DLGAP2: variants seen among roughly 807,000 people sequenced by gnomAD.
DLGAP2 encodes DLG associated protein 2.
DLGAP2 carries 26 observed loss-of-function variants against 100.3 expected under a neutral mutation model. That is an observed-to-expected ratio of 0.26 (90% CI 0.19 to 0.36). The LOEUF (loss-of-function observed/expected upper bound fraction) is 0.36. DLGAP2 is among the 10% of genes least tolerant of loss of function. The pLI is 1.00. For synonymous variants in DLGAP2, 886 were observed against 630.1 expected, an observed-to-expected ratio of 1.41 and a Z score of -6.08; for missense variants, 1,858 against 1,453.2, an observed-to-expected ratio of 1.28 and a Z score of -4.53.
intron 2 of DLGAP2, among the ~76,000 whole-genome samples, chr8:1,097,645 G>C (rs1452417420): frequency 1.0e-3 from 122 of 117,828 alleles, no homozygotes; most frequent in Middle Eastern, 0.013. Context: ...CAGGAGAGTC[G>C]AGCTGGGAGC....
At chr8:1,413,159 G>T (rs79981314) in intron 3 of DLGAP2, among the ~76,000 whole-genome samples, 24,530 of 152,108 alleles carry the variant, frequency 0.16, 2,499 homozygotes, top group East Asian at 0.28. Context: ...CTGGACAGTG[G>T]CTCCTTCCAA....
At chr8:800,404 T>C (rs77734482) in intron 1 of DLGAP2, among the ~76,000 whole-genome samples, 6,168 of 152,312 alleles carry the variant, frequency 0.04, 178 homozygotes, top group Non-Finnish European at 0.065. Flanking sequence ...ACAATGAGTT[T>C]AGACGGTTGT....
intron 3 of DLGAP2, among the ~76,000 whole-genome samples, chr8:1,286,754 C>G (rs561394679): frequency 6.6e-6 from 1 of 152,282 alleles, no homozygotes; most frequent in East Asian, 1.9e-4. Context: ...CAAAGTGCAC[C>G]CTCTGTGCTG....
chr8:1,347,528 C>T (rs1031548101), intron 3 of DLGAP2, among the ~76,000 whole-genome samples: 1 of 152,076 alleles, frequency 6.6e-6, no homozygotes, highest in Non-Finnish European at 1.5e-5. Flanking sequence ...ACATTGCACT[C>T]ATGGTAGCTG....
intron 3 of DLGAP2, among the ~76,000 whole-genome samples, chr8:1,363,981 A>C (rs1483475321): frequency 6.6e-6 from 1 of 152,134 alleles, no homozygotes; most frequent in Non-Finnish European, 1.5e-5. Context: ...ATGCCTCCCC[A>C]GCCCCTCATC....
intron 2 of DLGAP2, among the ~76,000 whole-genome samples, chr8:1,207,599 G>T (rs1225531504): frequency 1.3e-5 from 2 of 152,238 alleles, no homozygotes; most frequent in East Asian, 3.9e-4. Context: ...GGGATTGCTG[G>T]GTCAAACAGT....
At chr8:1,567,940 A>G (rs908594102) in intron 6 of DLGAP2, among the ~76,000 whole-genome samples, 2 of 152,242 alleles carry the variant, frequency 1.3e-5, no homozygotes, top group Non-Finnish European at 2.9e-5. Flanking sequence ...AGATGTGAGG[A>G]AAATGGGTGA....
intron 6 of DLGAP2, among the ~76,000 whole-genome samples, chr8:1,599,178 T>C (rs939361591): frequency 6.6e-6 from 1 of 152,220 alleles, no homozygotes; most frequent in Non-Finnish European, 1.5e-5. Context: ...TGTGCAGTTT[T>C]GAGTGAGATT....
intron 3 of DLGAP2, among the ~76,000 whole-genome samples, chr8:1,315,006 G>A (rs1800697566): frequency 1.3e-5 from 2 of 152,252 alleles, no homozygotes; most frequent in Admixed American, 1.3e-4. Flanking sequence ...CGTGTTTTTA[G>A]TTATTAATAG....
In DLGAP2 at chr8:764,058, C is replaced by T. The variant is rs59913854; in HGVS notation, c.18+26233C>T. On this transcript the variant is annotated intron_variant, in intron 1 of 14. Transcript: ENST00000637795. The stretch of plus-strand genomic sequence containing the variant: ...GTGTGTATGTCTTAAGACTTCCTAA[C>T]CTGTAACCACATTTAGTTTTTGTGG... 2.3e-3 allele frequency among the ~76,000 whole-genome samples: 348 copies of T among 152,252 alleles called. 1 individual carries two copies. The highest frequency in any genetic ancestry group is 8.0e-3 in the African/African-American group (332 of 41,530).
intron 2 of DLGAP2, among the ~76,000 whole-genome samples, chr8:958,726 A>C (rs73673035): frequency 0.038 from 5,827 of 152,214 alleles, 341 homozygotes; most frequent in African/African-American, 0.13. Flanking sequence ...CAAAGGTTAG[A>C]AGAGTTTCAG....
At chr8:1,582,317 A>ATT (rs1803313090) in intron 6 of DLGAP2, among the ~76,000 whole-genome samples, 1 of 151,394 alleles carries the variant, frequency 6.6e-6, no homozygotes, top group African/African-American at 2.4e-5. Context: ...AAACCTTAAA[A>ATT]AAAAAAAAAA....
intron 2 of DLGAP2, among the ~76,000 whole-genome samples, chr8:969,468 C>G (rs1799961370): frequency 6.6e-6 from 1 of 151,744 alleles, no homozygotes; most frequent in Non-Finnish European, 1.5e-5. Context: ...CCAGCAAACC[C>G]AGTGTGCTGG....
chr8:1,558,663 A>G (rs1237812079), intron 5 of DLGAP2, among the ~76,000 whole-genome samples: 1 of 151,734 alleles, frequency 6.6e-6, no homozygotes, highest in African/African-American at 2.4e-5. Context: ...ACACATATGC[A>G]CATAGGCATG....
chr8:1,554,819 G>C (rs879841559), intron 5 of DLGAP2, among the ~76,000 whole-genome samples: 1 of 149,094 alleles, frequency 6.7e-6, no homozygotes, highest in African/African-American at 2.5e-5. Context: ...CACCAGTTCA[G>C]GAAGGCTGGC....
At chr8:1,549,966 C>G (rs895553420) in intron 5 of DLGAP2, among the ~76,000 whole-genome samples, 3 of 152,198 alleles carry the variant, frequency 2.0e-5, no homozygotes, top group Non-Finnish European at 4.4e-5. Context: ...GCCAACAGGT[C>G]TCTTGAGCTG....
intron 4 of DLGAP2, among the ~76,000 whole-genome samples, chr8:1,522,978 T>C (rs1323192971): frequency 2.0e-5 from 3 of 152,196 alleles, no homozygotes; most frequent in Admixed American, 1.3e-4. Flanking sequence ...CATTACCCTT[T>C]GCTCTTCACG....
At position 1,641,047 on chromosome 8, in the gene DLGAP2, C is replaced by G. The variant is rs6981097; in HGVS notation, c.1810+8001C>G. On this transcript the variant is annotated intron_variant, in intron 8 of 14. Coordinates refer to ENST00000637795, the MANE Select transcript of DLGAP2 (RefSeq NM_001346810.2). Reference sequence around the variant, plus strand: ...CTCCTGGCTGTGGGGAAGGAGAAGCCCTGGGAGACACGGGTAAGGGTCGGG... The same window carrying G: ...CTCCTGGCTGTGGGGAAGGAGAAGCGCTGGGAGACACGGGTAAGGGTCGGG... 4.2e-3 allele frequency among the ~76,000 whole-genome samples: 639 copies of G among 152,128 alleles called. 2 individuals are homozygous for G. The highest frequency in any genetic ancestry group is 0.015 in the African/African-American group (611 of 41,502).
intron 1 of DLGAP2, among the ~76,000 whole-genome samples, chr8:761,114 C>T (rs566155731): frequency 2.0e-5 from 3 of 152,296 alleles, no homozygotes; most frequent in Non-Finnish European, 2.9e-5. Flanking sequence ...GTGTCCCTTT[C>T]GTCTCTGCCC....
Sources: allele counts gnomAD v4.1 joint callset (sites outside exome capture counted in the v4.1 genomes callset), GRCh38; gene constraint gnomAD v4.1.1; transcripts MANE v1.5; gene names NCBI Gene and HGNC (gene_info 2026-07-23, HGNC 2026-07-21).